The following CUL2 variants were observed in gnomAD, a reference collection of about 807,000 sequenced individuals.
CUL2 encodes cullin 2.
Under a neutral mutation model 110.2 loss-of-function variants are expected in CUL2, and 22 were observed. The observed-to-expected ratio is 0.20, with a 90% CI of 0.14 to 0.28. The LOEUF (loss-of-function observed/expected upper bound fraction) is 0.28, where lower values mean the gene tolerates loss of function less well. Ranked by LOEUF, CUL2 falls within the 10% of genes least tolerant of loss-of-function variation. The probability of loss-of-function intolerance (pLI) is 1.00; values close to 1 mark genes in which losing one functional copy is unlikely to be tolerated. For missense variants in CUL2, 631 were observed against 905.5 expected (o/e 0.70, Z 3.89); for synonymous variants, 279 against 293.2 (o/e 0.95, Z 0.49).
chr10:35,081,891 C>T (rs1275265149), intron 1 of CUL2, among the ~76,000 whole-genome samples: 1 of 152,068 alleles, frequency 6.6e-6, no homozygotes, highest in African/African-American at 2.4e-5. Context: ...TGCCTATGTC[C>T]TGACACTGCT....
At chr10:35,112,025 C>G (rs2087529538) in intron 1 of CUL2, among the ~76,000 whole-genome samples, 1 of 152,138 alleles carries the variant, frequency 6.6e-6, no homozygotes, top group Non-Finnish European at 1.5e-5. Context: ...ACCTGAAGGC[C>G]TCATTACTCC....
chr10:35,035,501 T>C (rs1322219822), intron 9 of CUL2, among the ~76,000 whole-genome samples: 3 of 152,238 alleles, frequency 2.0e-5, no homozygotes, highest in Admixed American at 6.5e-5. Flanking sequence ...AAAGATATTT[T>C]GTGCAAATTC....
chr10:35,081,128 G>A (rs907775656), intron 1 of CUL2, among the ~76,000 whole-genome samples: 1 of 152,092 alleles, frequency 6.6e-6, no homozygotes, highest in Non-Finnish European at 1.5e-5. Context: ...GGAGGCTAAG[G>A]TGGGAGCTTG....
intron 7 of CUL2, 27 bp downstream of exon 7, chr10:35,044,745 T>C (rs749804706): frequency 6.3e-7 from 1 of 1,584,940 alleles, no homozygotes; most frequent in Non-Finnish European, 8.6e-7. Flanking sequence ...ACAGTCTGAT[T>C]ATTTGTTTTT....
At chr10:35,058,406 C>T (rs2086296769) in intron 4 of CUL2, among the ~76,000 whole-genome samples, 1 of 152,160 alleles carries the variant, frequency 6.6e-6, no homozygotes. Context: ...AAAAGTCACT[C>T]ATTCGTAAAT....
At chr10:35,079,810 C>T (rs1275764985) in intron 1 of CUL2, 1 of 154,672 alleles carries the variant, frequency 6.5e-6, no homozygotes, top group Non-Finnish European at 1.5e-5. Flanking sequence ...AGGATCACTA[C>T]TCCTGTACTT....
intron 10 of CUL2, 36 bp from the exon 11 acceptor site, chr10:35,033,309 A>T: frequency 7.1e-7 from 1 of 1,408,492 alleles, no homozygotes; most frequent in Non-Finnish European, 1.0e-6. Context: ...CCACATTTTA[A>T]GAGGTTCAAG....
At chr10:35,122,247 T>C (rs2087686747) in intron 1 of CUL2, among the ~76,000 whole-genome samples, 1 of 152,260 alleles carries the variant, frequency 6.6e-6, no homozygotes, top group Non-Finnish European at 1.5e-5. Flanking sequence ...AGTTTTTCTC[T>C]GTATTAAATT....
At chr10:35,012,753 T>C (rs2084936475) in intron 19 of CUL2, among the ~76,000 whole-genome samples, 1 of 152,214 alleles carries the variant, frequency 6.6e-6, no homozygotes, top group African/African-American at 2.4e-5. Context: ...GGAATTAAGT[T>C]TCTGGAGAGG....
chr10:35,077,044 C>T (rs1297032499), intron 1 of CUL2, among the ~76,000 whole-genome samples: 1 of 152,064 alleles, frequency 6.6e-6, no homozygotes, highest in African/African-American at 2.4e-5. Context: ...CACATAAAAA[C>T]TGGTACACAA....
intron 1 of CUL2, among the ~76,000 whole-genome samples, chr10:35,103,322 T>A (rs980197950): frequency 2.6e-4 from 31 of 118,262 alleles, no homozygotes; most frequent in African/African-American, 4.7e-4. Context: ...TTTTTTTTTT[T>A]TTTTTTTTTT....
At chr10:35,024,674 T>C (rs1392641732) in intron 17 of CUL2, among the ~76,000 whole-genome samples, 1 of 152,218 alleles carries the variant, frequency 6.6e-6, no homozygotes, top group Non-Finnish European at 1.5e-5. Context: ...TTGGAAACTA[T>C]TGAAAATTAA....
At chr10:35,063,203 T>C (rs548605954) in intron 2 of CUL2, 141 bp from the exon 3 acceptor site, 53 of 523,504 alleles carry the variant, frequency 1.0e-4, no homozygotes, top group Admixed American at 6.0e-4. Context: ...GTTGTATATA[T>C]GACAAGATAG....
rs1035766541 is a variant in CUL2, at chr10:35,034,814, C to T, written c.1002+358G>A. Among the ~76,000 whole-genome samples, 4 of 152,028 alleles carry T rather than the reference C, an allele frequency of 2.6e-5. 1 individual carries two copies. Among genetic ancestry groups the T allele is most frequent in the African/African-American group, 7.3e-5 (3 of 41,342 alleles). On this transcript the variant is annotated intron_variant, in intron 10 of 20. Transcript: ENST00000374749. ...TATGGAAAGGAGGCAAATTGCAAGT[C>T]GTCTATATTACCACTGATTAATACT...
intron 3 of CUL2, 21 bp downstream of exon 3, chr10:35,062,939 C>T (rs1463946273): frequency 7.1e-6 from 9 of 1,269,890 alleles, no homozygotes; most frequent in Non-Finnish European, 1.0e-5. Context: ...ATATTTATAT[C>T]ACGTATGTAT....
At chr10:35,023,588 A>C (rs943958528) in intron 17 of CUL2, among the ~76,000 whole-genome samples, 2 of 151,362 alleles carry the variant, frequency 1.3e-5, no homozygotes, top group Non-Finnish European at 2.9e-5. Context: ...CTTCTTATAC[A>C]CCACTGGTTG....
intron 19 of CUL2, among the ~76,000 whole-genome samples, chr10:35,012,977 G>A (rs940843703): frequency 6.6e-6 from 1 of 152,152 alleles, no homozygotes; most frequent in Non-Finnish European, 1.5e-5. Context: ...ATTTGAACAA[G>A]ATGCCCAGGT....
Position 35,031,391 on chromosome 10 carries a change from A to G in CUL2, c.1300-5T>C, listed in dbSNP as rs1450163586. On this transcript the variant is annotated splice_polypyrimidine_tract_variant and splice_region_variant and intron_variant, in intron 13 of 20. Transcript: ENST00000374749. The surrounding 1 kb of genome is among the most constrained non-coding windows in gnomAD (Gnocchi z 4.4). ...TGCCAGCATTCTTGCGTAGAACTAC[A>G]TTTAAAAATATTTTAAAAGATTACT... The G allele has an allele frequency of 2.5e-6, 4 of 1,603,744 alleles. No homozygotes were observed. Among genetic ancestry groups the G allele is most frequent in the Non-Finnish European group, 3.4e-6 (4 of 1,174,368 alleles).
rs373680699 is a variant in CUL2, at chr10:35,065,901, TA to T, written c.120-2840del. 4.4e-3 allele frequency among the ~76,000 whole-genome samples: 665 copies of T among 152,244 alleles called. 5 individuals are homozygous for T. The highest frequency in any genetic ancestry group is 0.015 in the African/African-American group (618 of 41,546). ...AAAATAACTAGGTCAGATTTCAACT[TA>T]AACATTCTTTCACTAGACTTATCTT... On this transcript the variant is annotated intron_variant, in intron 2 of 20. Transcript: ENST00000374749.
Sources: gnomAD v4.1 joint callset for allele counts (sites outside exome capture counted in the v4.1 genomes callset) on GRCh38, gnomAD v4.1.1 for gene constraint, Gnocchi (gnomAD v3.1) non-coding constraint, MANE v1.5 for transcripts, NCBI Gene and HGNC (gene_info 2026-07-23, HGNC 2026-07-21) for gene names.